Variants in HECW2 observed in about 807,000 individuals in gnomAD.
HECW2 encodes the protein HECT, C2 and WW domain containing E3 ubiquitin protein ligase 2.
In HECW2, 61 loss-of-function variants were observed where a neutral mutation model predicts 175.2. That is an observed-to-expected ratio of 0.35 (90% CI 0.28 to 0.43). The LOEUF (loss-of-function observed/expected upper bound fraction) is 0.43. HECW2 is among the 20% of genes least tolerant of loss of function. HECW2 has a pLI of 1.00. For missense variants in HECW2, 1,524 were observed against 2,000.5 expected, an observed-to-expected ratio of 0.76 and a Z score of 4.54; for synonymous variants, 671 against 731.0, an observed-to-expected ratio of 0.92 and a Z score of 1.32.
intron 2 of HECW2, among the ~76,000 whole-genome samples, chr2:196,355,363 C>T (rs573461002): frequency 9.9e-5 from 15 of 152,246 alleles, no homozygotes; most frequent in African/African-American, 3.1e-4. Context: ...TGAAGTATGG[C>T]CAGCATTTGG....
At position 196,450,448 on chromosome 2, in the gene HECW2, A is replaced by G. The variant is rs139968901; in HGVS notation, c.-35-16990T>C. Among the ~76,000 whole-genome samples, 901 of 151,824 alleles carry G rather than the reference A, an allele frequency of 5.9e-3. 3 individuals carry two copies. The highest frequency in any genetic ancestry group is 0.01 in the Middle Eastern group (3 of 294). Reference sequence around the variant, plus strand: ...CCACCATTGTCTAGTCTCCAAATCTACTGATCATAAGCCACCTGTTAGATG... The same window carrying G: ...CCACCATTGTCTAGTCTCCAAATCTGCTGATCATAAGCCACCTGTTAGATG... On this transcript the variant is annotated intron_variant, in intron 1 of 28. Coordinates refer to ENST00000644978, the MANE Select transcript of HECW2 (RefSeq NM_001348768.2).
intron 1 of HECW2, among the ~76,000 whole-genome samples, chr2:196,502,969 G>A (rs1273618340): frequency 2.0e-5 from 3 of 152,098 alleles, no homozygotes; most frequent in African/African-American, 7.2e-5. Flanking sequence ...TTTCATAATG[G>A]CCTAAAAGAC....
intron 1 of HECW2, among the ~76,000 whole-genome samples, chr2:196,445,120 T>C (rs1260228358): frequency 6.6e-6 from 1 of 152,218 alleles, no homozygotes; most frequent in Non-Finnish European, 1.5e-5. Context: ...TTATCACTTA[T>C]ACTTCACAGT....
intron 2 of HECW2, among the ~76,000 whole-genome samples, chr2:196,385,331 C>T (rs1298206672): frequency 6.6e-6 from 1 of 152,120 alleles, no homozygotes; most frequent in African/African-American, 2.4e-5. Context: ...TATAAAAGCT[C>T]TAGTTACTTA....
intron 4 of HECW2, among the ~76,000 whole-genome samples, chr2:196,333,358 G>A (rs1245191497): frequency 6.6e-6 from 1 of 152,172 alleles, no homozygotes; most frequent in East Asian, 1.9e-4. Context: ...GGGAAAGACT[G>A]CTTGATACAG....
At chr2:196,385,297 C>T (rs922946792) in intron 2 of HECW2, among the ~76,000 whole-genome samples, 7 of 151,986 alleles carry the variant, frequency 4.6e-5, no homozygotes, top group Non-Finnish European at 7.4e-5. Flanking sequence ...TCTTACAAGC[C>T]CCGGCTCATT....
intron 1 of HECW2, among the ~76,000 whole-genome samples, chr2:196,479,068 C>G (rs1686757950): frequency 6.6e-6 from 1 of 152,200 alleles, no homozygotes; most frequent in Non-Finnish European, 1.5e-5. Context: ...GTTTCCCTCT[C>G]CTTTTCCAAT....
intron 1 of HECW2, among the ~76,000 whole-genome samples, chr2:196,540,346 A>G (rs939222675): frequency 1.3e-5 from 2 of 152,218 alleles, no homozygotes; most frequent in African/African-American, 4.8e-5. Flanking sequence ...CCCTAGAGAA[A>G]TCTGTTAATG....
At position 196,401,975 on chromosome 2, in the gene HECW2, C is replaced by T. The variant is rs542100118; in HGVS notation, c.292+31157G>A. Among the ~76,000 whole-genome samples the T allele has an allele frequency of 1.8e-4, 28 of 151,560 alleles. 1 individual carries two copies. The South Asian group carries it at 4.2e-3, about 23-fold the overall frequency. Reference sequence around the variant, plus strand: ...CAGCACTTTGGGAGGCTGAGGCGGGCGGATCACAAGGTCAGGAGATCGAGA... The same window carrying T: ...CAGCACTTTGGGAGGCTGAGGCGGGTGGATCACAAGGTCAGGAGATCGAGA... On this transcript the variant is annotated intron_variant, in intron 2 of 28. Transcript: ENST00000644978.
intron 1 of HECW2, among the ~76,000 whole-genome samples, chr2:196,438,411 AT>A (rs1311452411): frequency 1.3e-5 from 2 of 152,174 alleles, no homozygotes; most frequent in Non-Finnish European, 2.9e-5. Context: ...ACAGTTACTA[AT>A]TTTTTTCTTT....
chr2:196,381,865 C>T lies in HECW2; in HGVS notation c.293-38101G>A, dbSNP rs557706763. The stretch of plus-strand genomic sequence containing the variant: ...AAACGTAATATTAAGCAAGACAAAA[C>T]ACTAATGTGATTTAAATATATACAT... On this transcript the variant is annotated intron_variant, in intron 2 of 28. Coordinates refer to ENST00000644978, the MANE Select transcript of HECW2 (RefSeq NM_001348768.2). Among the ~76,000 whole-genome samples the T allele has an allele frequency of 2.0e-5, 3 of 152,238 alleles. No individual in the cohort carries two copies. The South Asian group carries it at 6.2e-4, about 32-fold the overall frequency.
chr2:196,208,773 T>C (rs964194003), intron 28 of HECW2, among the ~76,000 whole-genome samples: 1 of 152,072 alleles, frequency 6.6e-6, no homozygotes, highest in Non-Finnish European at 1.5e-5. Flanking sequence ...GTAGGTGTCA[T>C]GGGTTGGGGG....
chr2:196,263,469 C>G (rs1162281328), intron 17 of HECW2: 1 of 152,268 alleles, frequency 6.6e-6, no homozygotes, highest in East Asian at 1.9e-4. Context: ...CTCTGCACAT[C>G]CTGGTTCCTC....
At chr2:196,483,821 G>C (rs1321694294) in intron 1 of HECW2, among the ~76,000 whole-genome samples, 1 of 152,158 alleles carries the variant, frequency 6.6e-6, no homozygotes, top group African/African-American at 2.4e-5. Flanking sequence ...TAAATAAAAA[G>C]AGACTTTAAA....
intron 23 of HECW2, among the ~76,000 whole-genome samples, chr2:196,224,246 T>G (rs1687770623): frequency 6.6e-6 from 1 of 152,118 alleles, no homozygotes; most frequent in Admixed American, 6.5e-5. Flanking sequence ...TACTTTTACG[T>G]AGGGAAACTT....
intron 13 of HECW2, among the ~76,000 whole-genome samples, chr2:196,304,821 T>C (rs541472465): frequency 1.3e-5 from 2 of 152,312 alleles, no homozygotes; most frequent in South Asian, 4.1e-4. Context: ...TTCACTAGTG[T>C]CCTATGTTCT....
At chr2:196,447,118 C>T (rs1355196358) in intron 1 of HECW2, among the ~76,000 whole-genome samples, 2 of 152,056 alleles carry the variant, frequency 1.3e-5, no homozygotes, top group African/African-American at 4.8e-5. Flanking sequence ...CTTGTTGATA[C>T]CAAGTTTAAT....
chr2:196,405,788 C>G (rs192593393), intron 2 of HECW2, among the ~76,000 whole-genome samples: 2 of 152,258 alleles, frequency 1.3e-5, no homozygotes, highest in Admixed American at 1.3e-4. Context: ...TAAGGGAATT[C>G]TCTACAGCTG....
At chr2:196,584,870 A>C (rs188127602) in intron 1 of HECW2, among the ~76,000 whole-genome samples, 14 of 152,322 alleles carry the variant, frequency 9.2e-5, no homozygotes, top group Non-Finnish European at 1.5e-4. Context: ...ATGTACTTCC[A>C]ACTAGGTTTT....
Sources: gnomAD v4.1 joint callset for allele counts (sites outside exome capture counted in the v4.1 genomes callset) on GRCh38, gnomAD v4.1.1 for gene constraint, MANE v1.5 for transcripts, NCBI Gene and HGNC (gene_info 2026-07-23, HGNC 2026-07-21) for gene names.